The following CBX2 variants were observed in gnomAD, a reference collection of about 807,000 sequenced individuals.
CBX2 encodes the protein chromobox protein homolog 2.
Under a neutral mutation model 21.0 loss-of-function variants are expected in CBX2, and 11 were observed. That is an observed-to-expected ratio of 0.52 (90% CI 0.33 to 0.87). The LOEUF is 0.87. Among genes scored for constraint, CBX2 ranks in the 40% least tolerant of loss-of-function variants. The probability of loss-of-function intolerance (pLI) is 0.02; values close to 1 mark genes in which losing one functional copy is unlikely to be tolerated. For synonymous variants in CBX2, 364 were observed against 304.6 expected, an observed-to-expected ratio of 1.19 and a Z score of -2.03; for missense variants, 746 against 724.3, an observed-to-expected ratio of 1.03 and a Z score of -0.34.
intron 3 of CBX2, among the ~76,000 whole-genome samples, chr17:79,781,250 G>C (rs116158814): frequency 6.6e-6 from 1 of 152,194 alleles, no homozygotes; most frequent in Admixed American, 6.5e-5. Context: ...CTCCTTGCCC[G>C]GGTGAGGGTT....
chr17:79,782,112 T>C, intron 4 of CBX2: 1 of 1,613,182 alleles, frequency 6.2e-7, no homozygotes, highest in Middle Eastern at 1.6e-4. Context: ...AGGGGGTCCT[T>C]GGGGGACGGA....
rs782102693 is a variant in CBX2, at chr17:79,778,197, TGGC to T, written c.-33_-31del. On this transcript the variant is annotated 5_prime_UTR_variant, in exon 1 of 5. Coordinates refer to ENST00000310942, the MANE Select transcript of CBX2 (RefSeq NM_005189.3). This position sits in a 1 kb window ranked among gnomAD's most constrained non-coding sequence, Gnocchi z 4.8. ...GCGCGCGGCGGTCCGGGCGGGTGAC[TGGC>T]GGCGGGCGCCGCGGTCGGGCTGGCT... is the stretch of plus-strand genomic sequence containing the variant. 6.1e-4 allele frequency: 762 copies of T among 1,255,100 alleles called. 5 individuals carry two copies. The African/African-American group carries it at 0.012, about 19-fold the overall frequency. 77.7% of individuals were successfully genotyped at this position (1,255,100 alleles called of 1,614,324 possible). A position where few individuals can be genotyped will look rare whatever the true frequency, so the allele number is the denominator to read the frequency against.
Position 79,784,541 on chromosome 17 carries a change from C to A in CBX2, c.1098C>A (p.Pro366=), listed in dbSNP as rs146970180. ...LDLQSVKNGM[P]GVGLLARHAT... The stretch of plus-strand genomic sequence containing the variant: ...TGCAGAGTGTCAAGAATGGCATGCC[C>A]GGGGTGGGTCTCCTTGCCCGCCACG... The change falls in exon 5 of 5, where the codon CCC becomes CCA. Residue 366 remains proline, a synonymous_variant. Transcript: ENST00000310942. This position sits in a 1 kb window ranked among gnomAD's most constrained non-coding sequence, Gnocchi z 5.9. 10 of 1,612,684 alleles carry A rather than the reference C, an allele frequency of 6.2e-6. No homozygotes were observed. In the East Asian group the frequency reaches 1.1e-4, roughly 18 times the overall value.
rs782635444 is a variant in CBX2 at position 79,784,494 on chromosome 17, C to T, written c.1051C>T (p.Leu351=). The T allele has an allele frequency of 8.1e-6, 13 of 1,612,684 alleles. No individual in the cohort carries two copies. Among genetic ancestry groups the T allele is most frequent in the South Asian group, 5.5e-5 (5 of 91,086 alleles). ...PGPQPAPTQE[L]SLQVLDLQSV... ...CCCCCAGCCAGCACCCACCCAGGAG[C>T]TGAGCCTCCAGGTCTTGGACTTGCA... The change falls in exon 5 of 5, where the codon CTG becomes TTG. Residue 351 remains leucine (L), a synonymous_variant. Coordinates refer to ENST00000310942, the MANE Select transcript of CBX2 (RefSeq NM_005189.3). The surrounding 1 kb of genome is among the most constrained non-coding windows in gnomAD (Gnocchi z 5.9).
rs782493158 is a variant in CBX2, at chr17:79,784,295, C to T, written c.852C>T (p.Cys284=). ...TGAAGGCCCAGGCCACCAACAAGTG[C>T]GGCCTCGGGCTGGACCTGAAGGTGA... The part of the protein sequence containing the change: ...LALKAQATNK[C]GLGLDLKVRT... The change falls in exon 5 of 5, where the codon TGC becomes TGT. Residue 284 remains cysteine, a synonymous_variant. Coordinates refer to ENST00000310942, the MANE Select transcript of CBX2 (RefSeq NM_005189.3). This position sits in a 1 kb window ranked among gnomAD's most constrained non-coding sequence, Gnocchi z 5.9. 1.1e-5 allele frequency: 18 copies of T among 1,612,906 alleles called. No homozygotes were observed. Among genetic ancestry groups the T allele is most frequent in the African/African-American group, 2.7e-5 (2 of 74,942 alleles).
upstream of CBX2, among the ~76,000 whole-genome samples, chr17:79,777,907 G>GCCCGCCCGCGCC (rs1353321732): frequency 5.4e-5 from 8 of 147,868 alleles, no homozygotes; most frequent in African/African-American, 1.7e-4. Context: ...CCAGCCAGGG[G>GCCCGCCCGCGCC]CCCGCCCGCG....
At chr17:79,781,895 G>C (rs1555830398) in intron 4 of CBX2, 94 bp downstream of exon 4, 1 of 1,614,186 alleles carries the variant, frequency 6.2e-7, no homozygotes, top group Non-Finnish European at 8.5e-7. Flanking sequence ...CTCAGGAAGG[G>C]GGTGGCACTT....
rs1555831479 is a variant in CBX2, at chr17:79,785,047, C to T, written c.*5C>T. ...TTCAACCTGAGGCATTACTGAAGCC[C>T]CGGCGCCACCAGCTGCGCGGTCTTA... is the stretch of plus-strand genomic sequence containing the variant. On this transcript the variant is annotated 3_prime_UTR_variant, in exon 5 of 5. Coordinates refer to ENST00000310942, the MANE Select transcript of CBX2 (RefSeq NM_005189.3). 1 of 1,597,424 alleles carries T rather than the reference C, an allele frequency of 6.3e-7. No homozygotes were observed. The highest frequency in any genetic ancestry group is 1.7e-5 in the Admixed American group (1 of 60,026).
chr17:79,782,143 A>G (rs377399762), intron 4 of CBX2: 6 of 1,612,746 alleles, frequency 3.7e-6, no homozygotes, highest in East Asian at 4.5e-5. Context: ...AAGCATGCGT[A>G]CAGTAGGTGC....
chr17:79,786,451 G>C lies in CBX2; in HGVS notation c.*1409G>C, dbSNP rs1907641552. The C allele has an allele frequency of 6.6e-6, 1 of 152,626 alleles. No homozygotes were observed. The highest frequency in any genetic ancestry group is 1.5e-5 in the Non-Finnish European group (1 of 68,134). 9.5% of individuals were successfully genotyped at this position (152,626 alleles called of 1,614,324 possible). ...CGGGAAGCTGGATCTGTCAGCCTCG[G>C]CCCTGAGGCCCCTGTTAACTCAAGA... On this transcript the variant is annotated 3_prime_UTR_variant, in exon 5 of 5. Coordinates refer to ENST00000310942, the MANE Select transcript of CBX2 (RefSeq NM_005189.3).
intron 4 of CBX2, 76 bp from the exon 5 acceptor site, chr17:79,783,656 C>T (rs564964747): frequency 8.8e-5 from 115 of 1,307,704 alleles, no homozygotes; most frequent in East Asian, 1.8e-4. Context: ...GTGATCCACC[C>T]GCTTCGGCCT....
rs1308080772 is a variant in CBX2 at position 79,787,556 on chromosome 17, C to A, written c.*2514C>A. 1 of 152,664 alleles carries A rather than the reference C, an allele frequency of 6.6e-6. No homozygotes were observed. Among genetic ancestry groups the A allele is most frequent in the African/African-American group, 2.4e-5 (1 of 41,554 alleles). 9.5% of individuals were successfully genotyped at this position (152,664 alleles called of 1,614,324 possible). On this transcript the variant is annotated 3_prime_UTR_variant, in exon 5 of 5. Transcript: ENST00000310942. ...ATGTTTACCAATAAATAAAAGTAGA[C>A]TTTTTCTATTTTTATTTGCTGCTAT... is the stretch of plus-strand genomic sequence containing the variant.
chr17:79,778,195 ACTGGCGGCGGGCG>A lies in CBX2; in HGVS notation c.-39_-27del. ...GGGCGCGCGGCGGTCCGGGCGGGTG[ACTGGCGGCGGGCG>A]CCGCGGTCGGGCTGGCTGCCGGGCA... is the stretch of plus-strand genomic sequence containing the variant. On this transcript the variant is annotated 5_prime_UTR_variant, in exon 1 of 5. Transcript: ENST00000310942. The surrounding 1 kb of genome is among the most constrained non-coding windows in gnomAD (Gnocchi z 4.8). 1.6e-6 allele frequency: 2 copies of A among 1,236,282 alleles called. No homozygotes were observed. Among genetic ancestry groups the A allele is most frequent in the Non-Finnish European group, 2.0e-6 (2 of 977,812 alleles). 76.6% of individuals were successfully genotyped at this position (1,236,282 alleles called of 1,614,324 possible).
chr17:79,782,565 A>G (rs9897213), intron 4 of CBX2: 417,585 of 975,956 alleles, frequency 0.43, 91,644 homozygotes, highest in African/African-American at 0.65. Flanking sequence ...GAGCTCAGTC[A>G]CTAACTGAAC....
At chr17:79,781,489 G>A (rs1331734406) in intron 3 of CBX2, among the ~76,000 whole-genome samples, 1 of 152,168 alleles carries the variant, frequency 6.6e-6, no homozygotes, top group Non-Finnish European at 1.5e-5. Context: ...CTTGTCCTTA[G>A]CCAAATGAAA....
Position 79,778,152 on chromosome 17 carries a change from C to G in CBX2, c.-84C>G. The G allele has an allele frequency of 1.4e-6, 1 of 724,346 alleles. No homozygotes were observed. Among genetic ancestry groups the G allele is most frequent in the Non-Finnish European group, 1.8e-6 (1 of 569,796 alleles). 44.9% of individuals were successfully genotyped at this position (724,346 alleles called of 1,614,324 possible). A position where few individuals can be genotyped will look rare whatever the true frequency, so the allele number is the denominator to read the frequency against. On this transcript the variant is annotated 5_prime_UTR_variant, in exon 1 of 5. Coordinates refer to ENST00000310942, the MANE Select transcript of CBX2 (RefSeq NM_005189.3). The surrounding 1 kb of genome is among the most constrained non-coding windows in gnomAD (Gnocchi z 4.8). ...GGGCCGGCGCCGGGCGGGGGCGGTG[C>G]TTTGTGTGCTGCCGGCGGGGCGCGC... is the stretch of plus-strand genomic sequence containing the variant.
intron 3 of CBX2, chr17:79,779,821 T>A (rs1054215050): frequency 3.2e-5 from 10 of 309,828 alleles, no homozygotes; most frequent in African/African-American, 2.1e-4. Flanking sequence ...GACGCAGGTC[T>A]GCCCTTCCAG....
rs782239297 is a variant in CBX2, at chr17:79,781,791, C to T, written c.278C>T (p.Ser93Phe). The T allele has an allele frequency of 6.2e-7, 1 of 1,614,000 alleles. No individual in the cohort carries two copies. The highest frequency in any genetic ancestry group is 8.5e-7 in the Non-Finnish European group (1 of 1,180,004). The part of the protein sequence containing the change: ...LTAMSSCSRR[S>F]KLKEPDAPSK... The stretch of plus-strand genomic sequence containing the variant: ...GCCATGTCCTCCTGCAGCCGGCGCT[C>T]CAAGCTCAAGGTGGGTGGCTGCGCT... The change falls in exon 4 of 5, where the codon TCC (serine) becomes TTC (phenylalanine). Residue 93 changes from serine to phenylalanine, a missense_variant. Physicochemically the swap from Ser to Phe is radical, Grantham distance 155. This residue lies in a region of CBX2 where 701 missense variants were observed against 650.7 expected (regional missense o/e 1.08). Transcript: ENST00000310942.
chr17:79,777,658 G>A (rs1356016734), upstream of CBX2, among the ~76,000 whole-genome samples: 5 of 151,840 alleles, frequency 3.3e-5, no homozygotes, highest in Admixed American at 6.6e-5. Flanking sequence ...CCCCGCTGCC[G>A]AGGAAAAGCC....
Sources: allele counts gnomAD v4.1 joint callset (sites outside exome capture counted in the v4.1 genomes callset), GRCh38; gene constraint gnomAD v4.1.1; regional missense constraint gnomAD v4.1.1; non-coding constraint Gnocchi (gnomAD v3.1); transcripts MANE v1.5; gene names NCBI Gene and HGNC (gene_info 2026-07-23, HGNC 2026-07-21).